The following SHISA9 variants were observed in gnomAD, a reference collection of about 807,000 sequenced individuals.
SHISA9 encodes the protein shisa family member 9, also known as protein shisa-9.
A neutral mutation model predicts 38.0 loss-of-function variants in SHISA9; 13 were observed. The ratio of observed to expected loss-of-function variants is 0.34; its 90% CI spans 0.22 to 0.54. The LOEUF is 0.54. SHISA9 is among the 20% of genes least tolerant of loss of function. The probability of loss-of-function intolerance (pLI) is 0.91; values close to 1 mark genes in which losing one functional copy is unlikely to be tolerated. For missense variants in SHISA9, 538 were observed against 575.8 expected (o/e 0.93, Z 0.67); for synonymous variants, 275 against 242.0 (o/e 1.14, Z -1.27).
At chr16:13,077,730 T>A (rs2073599892) in intron 2 of SHISA9, among the ~76,000 whole-genome samples, 2 of 152,140 alleles carry the variant, frequency 1.3e-5, no homozygotes, top group Admixed American at 6.6e-5. Flanking sequence ...CCTCATTCAG[T>A]TCCTTTCCTT....
chr16:12,940,141 T>A (rs3936481), intron 2 of SHISA9, among the ~76,000 whole-genome samples: 32,711 of 152,136 alleles, frequency 0.22, 4,373 homozygotes, highest in East Asian at 0.35. Flanking sequence ...GGGCAGAGTG[T>A]TCTTCTGCCT....
chr16:13,239,929 T>A lies in SHISA9; in HGVS notation c.*4520T>A, dbSNP rs1369197373. 1.3e-5 allele frequency: 2 copies of A among 152,254 alleles called. No homozygotes were observed. Among genetic ancestry groups the A allele is most frequent in the Non-Finnish European group, 2.9e-5 (2 of 68,066 alleles). 9.4% of individuals were successfully genotyped at this position (152,254 alleles called of 1,614,324 possible). Reference sequence around the variant, plus strand: ...ACGGGACAACCTATGGAACTATCTGTGACTTCCATGTACCAAGACAAGGAC... The same window carrying A: ...ACGGGACAACCTATGGAACTATCTGAGACTTCCATGTACCAAGACAAGGAC... On this transcript the variant is annotated 3_prime_UTR_variant, in exon 5 of 5. Coordinates refer to ENST00000558583, the MANE Select transcript of SHISA9 (RefSeq NM_001145204.3).
chr16:13,117,150 A>G (rs562474275), intron 2 of SHISA9, among the ~76,000 whole-genome samples: 1 of 152,078 alleles, frequency 6.6e-6, no homozygotes, highest in South Asian at 2.1e-4. Context: ...TAATTTTTAT[A>G]TTTTTAGTGG....
At chr16:13,403,546 T>C in the SHISA9 span, among the ~76,000 whole-genome samples, 2 of 152,184 alleles carry the variant, frequency 1.3e-5, no homozygotes, top group Non-Finnish European at 1.5e-5. Flanking sequence ...CTAATCTCTA[T>C]TGGGTTTGAC....
At chr16:13,075,173 C>G (rs183860099) in intron 2 of SHISA9, among the ~76,000 whole-genome samples, 9 of 152,310 alleles carry the variant, frequency 5.9e-5, no homozygotes, top group Non-Finnish European at 7.4e-5. Flanking sequence ...TACCCAACTC[C>G]CATCTGGGAG....
intron 4 of SHISA9, among the ~76,000 whole-genome samples, chr16:13,221,096 G>A (rs1181014215): frequency 6.6e-6 from 1 of 152,058 alleles, no homozygotes; most frequent in Non-Finnish European, 1.5e-5. Context: ...ACTAAAAAAG[G>A]GCCAGGCTCC....
the SHISA9 span, among the ~76,000 whole-genome samples, chr16:13,387,322 A>G: frequency 6.6e-6 from 1 of 152,110 alleles, no homozygotes; most frequent in South Asian, 2.1e-4. Context: ...CTGACATCCA[A>G]TATAACTTGT....
chr16:13,334,866 T>A, the SHISA9 span, among the ~76,000 whole-genome samples: 2 of 152,186 alleles, frequency 1.3e-5, no homozygotes, highest in Admixed American at 6.5e-5. Flanking sequence ...TGTAAAATGT[T>A]TACCAGGGAG....
chr16:13,154,291 G>T (rs2050523976), intron 2 of SHISA9, among the ~76,000 whole-genome samples: 1 of 152,180 alleles, frequency 6.6e-6, no homozygotes, highest in African/African-American at 2.4e-5. Flanking sequence ...CTCCTCCCAA[G>T]CACAAGAGAA....
chr16:13,366,041 C>A, the SHISA9 span, among the ~76,000 whole-genome samples: 2 of 152,194 alleles, frequency 1.3e-5, no homozygotes, highest in Non-Finnish European at 2.9e-5. Flanking sequence ...AGAGCCCCTA[C>A]TTAGTCGTTA....
chr16:13,520,787 A>G, the SHISA9 span, among the ~76,000 whole-genome samples: 943 of 151,972 alleles, frequency 6.2e-3, 5 homozygotes, highest in Non-Finnish European at 0.01. Flanking sequence ...GTGATAATAA[A>G]TGCTTTGAAA....
the SHISA9 span, among the ~76,000 whole-genome samples, chr16:13,463,728 G>A: frequency 1.3e-5 from 2 of 152,194 alleles, no homozygotes; most frequent in East Asian, 3.8e-4. Context: ...GGACAGGACT[G>A]CTGGCTGCTC....
chr16:13,418,285 G>A, the SHISA9 span, among the ~76,000 whole-genome samples: 1 of 152,096 alleles, frequency 6.6e-6, no homozygotes, highest in Non-Finnish European at 1.5e-5. Flanking sequence ...ATGAAAGAAT[G>A]GCATTTTAAT....
the SHISA9 span, among the ~76,000 whole-genome samples, chr16:13,472,118 T>C: frequency 1.3e-5 from 2 of 152,182 alleles, no homozygotes; most frequent in African/African-American, 4.8e-5. Flanking sequence ...TTCTGACTCT[T>C]TAAGTGGGCT....
chr16:13,376,396 C>G, the SHISA9 span, among the ~76,000 whole-genome samples: 1 of 152,198 alleles, frequency 6.6e-6, no homozygotes, highest in Non-Finnish European at 1.5e-5. Flanking sequence ...ATGATGTCAA[C>G]ACACTTATAT....
chr16:13,469,373 G>T, the SHISA9 span, among the ~76,000 whole-genome samples: 1 of 83,610 alleles, frequency 1.2e-5, no homozygotes, highest in East Asian at 4.4e-4. Context: ...GAAAAAGAAA[G>T]AAAGAAAGAA....
intron 4 of SHISA9, among the ~76,000 whole-genome samples, chr16:13,230,693 T>C (rs1293622461): frequency 6.6e-6 from 1 of 152,132 alleles, no homozygotes; most frequent in African/African-American, 2.4e-5. Context: ...TAGAGTAAAG[T>C]GAAATTAAGT....
chr16:13,157,975 T>C (rs2142010076), intron 2 of SHISA9, among the ~76,000 whole-genome samples: 1 of 152,298 alleles, frequency 6.6e-6, no homozygotes, highest in South Asian at 2.1e-4. Context: ...TAACATGGGC[T>C]CCTCAGTTAG....
chr16:13,060,812 G>A (rs1194647900), intron 2 of SHISA9, among the ~76,000 whole-genome samples: 2 of 152,274 alleles, frequency 1.3e-5, no homozygotes, highest in Admixed American at 6.5e-5. Context: ...CAGAGCCAAG[G>A]GCTGGCGTGG....
Sources: allele counts gnomAD v4.1 joint callset (sites outside exome capture counted in the v4.1 genomes callset), GRCh38; gene constraint gnomAD v4.1.1; transcripts MANE v1.5; gene names NCBI Gene and HGNC (gene_info 2026-07-23, HGNC 2026-07-21).